Variants in HS3ST1 observed in about 807,000 individuals in gnomAD.
The protein encoded by HS3ST1 is heparan sulfate glucosamine 3-O-sulfotransferase 1.
Under a neutral mutation model 20.7 loss-of-function variants are expected in HS3ST1, and 8 were observed. The ratio of observed to expected loss-of-function variants is 0.39; its 90% confidence interval spans 0.23 to 0.70. The LOEUF (loss-of-function observed/expected upper bound fraction) is 0.70. HS3ST1 is among the 30% of genes least tolerant of loss of function. The pLI is 0.46. For synonymous variants in HS3ST1, 205 were observed against 190.4 expected, an observed-to-expected ratio of 1.08 and a Z score of -0.63; for missense variants, 436 against 423.4, an observed-to-expected ratio of 1.03 and a Z score of -0.26.
intron 1 of HS3ST1, among the ~76,000 whole-genome samples, chr4:11,408,882 G>A (rs1014601201): frequency 1.1e-4 from 17 of 152,210 alleles, no homozygotes; most frequent in Middle Eastern, 3.2e-3. Context: ...TCTGAGAGGT[G>A]CCATCTTAGC....
At chr4:11,432,840 C>T (rs1032302942), upstream of HS3ST1, among the ~76,000 whole-genome samples, 1 of 152,198 alleles carries the variant, frequency 6.6e-6, no homozygotes, top group Non-Finnish European at 1.5e-5. Context: ...GTTGTTCCTT[C>T]CAACTCAGCT....
chr4:11,415,448 A>G (rs145031053), intron 1 of HS3ST1, among the ~76,000 whole-genome samples: 9 of 152,376 alleles, frequency 5.9e-5, no homozygotes, highest in African/African-American at 2.2e-4. Flanking sequence ...TAATTGCTCA[A>G]TAGTATTCAC....
rs1298237939 is a variant in HS3ST1, at chr4:11,396,089, C to T, written c.*2993G>A. On this transcript the variant is annotated 3_prime_UTR_variant, in exon 2 of 2. Coordinates refer to ENST00000002596, the MANE Select transcript of HS3ST1 (RefSeq NM_005114.4). ...AATAATGGTGACCTGTGACACCACCCCTGTAAGCAGCAGGCACGCTAGGCA... is the reference window on the plus strand; with the variant it reads ...AATAATGGTGACCTGTGACACCACCTCTGTAAGCAGCAGGCACGCTAGGCA... The T allele has an allele frequency of 1.3e-5, 2 of 152,176 alleles. No individual in the cohort carries two copies. Among genetic ancestry groups the T allele is most frequent in the Non-Finnish European group, 2.9e-5 (2 of 68,052 alleles). The allele number at this position is 152,176 out of a possible 1,614,324, so 9.4% of individuals were successfully genotyped here.
chr4:11,417,831 G>C (rs1316080074), intron 1 of HS3ST1, among the ~76,000 whole-genome samples: 1 of 152,230 alleles, frequency 6.6e-6, no homozygotes, highest in Non-Finnish European at 1.5e-5. Context: ...TAAAAGACAA[G>C]TGATGAAGCT....
chr4:11,406,222 G>A (rs1344363161), intron 1 of HS3ST1, among the ~76,000 whole-genome samples: 1 of 152,186 alleles, frequency 6.6e-6, no homozygotes, highest in Non-Finnish European at 1.5e-5. Flanking sequence ...CAATACAAGA[G>A]GTGGTTGTTC....
chr4:11,393,161 T>C lies in HS3ST1; in HGVS notation c.*5921A>G, dbSNP rs1718047278. On this transcript the variant is annotated 3_prime_UTR_variant, in exon 2 of 2. Coordinates refer to ENST00000002596, the MANE Select transcript of HS3ST1 (RefSeq NM_005114.4). ...GAGACATCCATGTATTAGTTCTAAG[T>C]GGAATATTTATCAAACAATAGAAAT... The C allele has an allele frequency of 6.6e-6, 1 of 152,306 alleles. No individual in the cohort carries two copies. Among genetic ancestry groups the C allele is most frequent in the East Asian group, 1.9e-4 (1 of 5,178 alleles). 9.4% of individuals were successfully genotyped at this position (152,306 alleles called of 1,614,324 possible).
chr4:11,403,434 A>G (rs1718381769), intron 1 of HS3ST1, among the ~76,000 whole-genome samples: 1 of 152,156 alleles, frequency 6.6e-6, no homozygotes, highest in South Asian at 2.1e-4. Flanking sequence ...TTGACAATGA[A>G]GTTATAAACA....
intron 1 of HS3ST1, among the ~76,000 whole-genome samples, chr4:11,422,280 C>G (rs1028108114): frequency 1.3e-5 from 2 of 152,208 alleles, no homozygotes; most frequent in Non-Finnish European, 2.9e-5. Context: ...CTAACTCCCC[C>G]AGACAGAAAT....
intron 1 of HS3ST1, among the ~76,000 whole-genome samples, chr4:11,403,156 T>G (rs1281083000): frequency 6.6e-6 from 1 of 152,252 alleles, no homozygotes. Context: ...GTATCTTTTA[T>G]GTGTATATGT....
At chr4:11,410,621 G>A (rs760640087) in intron 1 of HS3ST1, among the ~76,000 whole-genome samples, 23 of 152,208 alleles carry the variant, frequency 1.5e-4, no homozygotes, top group South Asian at 6.2e-4. Flanking sequence ...GGCTGGGAGC[G>A]GTGGCTTATG....
chr4:11,409,579 A>G (rs778451470), intron 1 of HS3ST1, among the ~76,000 whole-genome samples: 1 of 152,234 alleles, frequency 6.6e-6, no homozygotes, highest in Non-Finnish European at 1.5e-5. Context: ...ATGGGGTTTC[A>G]TGAAGAACCA....
At chr4:11,418,519 A>T (rs895787967) in intron 1 of HS3ST1, among the ~76,000 whole-genome samples, 1 of 152,208 alleles carries the variant, frequency 6.6e-6, no homozygotes, top group Non-Finnish European at 1.5e-5. Flanking sequence ...CTTTTGGATC[A>T]GGGAATAGTC....
chr4:11,429,136 GCTCCA>G (rs1163906052), upstream of HS3ST1: 1 of 152,420 alleles, frequency 6.6e-6, no homozygotes, highest in Non-Finnish European at 1.5e-5. Flanking sequence ...CTGGCACGCA[GCTCCA>G]GCGGCTGGTC....
chr4:11,405,181 G>A (rs1224963249), intron 1 of HS3ST1, among the ~76,000 whole-genome samples: 2 of 152,210 alleles, frequency 1.3e-5, no homozygotes, highest in Non-Finnish European at 2.9e-5. Context: ...ATGAACCTCC[G>A]ATGGGTTAAT....
At chr4:11,410,710 G>A (rs1004357706) in intron 1 of HS3ST1, among the ~76,000 whole-genome samples, 1 of 152,084 alleles carries the variant, frequency 6.6e-6, no homozygotes, top group Non-Finnish European at 1.5e-5. Context: ...GGTCAAACAT[G>A]GTGAAACCCT....
chr4:11,426,597 A>G lies in HS3ST1; in HGVS notation c.-109+2102T>C, dbSNP rs1012434620. Among the ~76,000 whole-genome samples the G allele has an allele frequency of 1.2e-4, 19 of 152,316 alleles. No individual in the cohort carries two copies. The East Asian group carries it at 3.3e-3, about 26-fold the overall frequency. On this transcript the variant is annotated intron_variant, in intron 1 of 1. Transcript: ENST00000002596. Reference sequence around the variant, plus strand: ...CTATCTTAAAACTACAGAGCATTGTATACCCTGTGGCATCACAGAGGATCC... The same window carrying G: ...CTATCTTAAAACTACAGAGCATTGTGTACCCTGTGGCATCACAGAGGATCC...
chr4:11,407,608 C>CAA (rs143774883), intron 1 of HS3ST1, among the ~76,000 whole-genome samples: 2,098 of 152,270 alleles, frequency 0.014, 22 homozygotes, highest in Middle Eastern at 0.034. Flanking sequence ...TCAACCCACA[C>CAA]AACATTATTG....
chr4:11,400,657 G>A (rs16881393), intron 1 of HS3ST1, among the ~76,000 whole-genome samples: 1,938 of 152,284 alleles, frequency 0.013, 35 homozygotes, highest in African/African-American at 0.044. Flanking sequence ...AGGGGCAGGT[G>A]ATATAGAAGC....
intron 1 of HS3ST1, among the ~76,000 whole-genome samples, chr4:11,425,186 G>A (rs1464948674): frequency 1.3e-5 from 2 of 152,132 alleles, no homozygotes; most frequent in African/African-American, 4.8e-5. Flanking sequence ...TAAGTGCCAG[G>A]CAGGCACTGA....
Sources: allele counts gnomAD v4.1 joint callset (sites outside exome capture counted in the v4.1 genomes callset), GRCh38; gene constraint gnomAD v4.1.1; transcripts MANE v1.5; gene names NCBI Gene and HGNC (gene_info 2026-07-23, HGNC 2026-07-21).